Variants in EGFR observed in about 807,000 individuals in gnomAD.
EGFR encodes the protein epidermal growth factor receptor.
Under a neutral mutation model 143.0 loss-of-function variants are expected in EGFR, and 58 were observed. That is an observed-to-expected ratio of 0.41 (90% CI 0.33 to 0.50). The LOEUF (loss-of-function observed/expected upper bound fraction) is 0.50. Among genes scored for constraint, EGFR ranks in the 20% least tolerant of loss-of-function variants. The pLI is 0.39. For missense variants in EGFR, 1,307 were observed against 1,579.0 expected (o/e 0.83, Z 2.92); for synonymous variants, 613 against 594.4 (o/e 1.03, Z -0.45).
rs10241451 is a variant in EGFR, at chr7:55,181,233, T to C, written c.2284-60T>C. On this transcript the variant is annotated intron_variant, in intron 19 of 27. Transcript: ENST00000275493. ...TGCGTCTTCACCTGGAAGGGGTCCA[T>C]GTGCCCCTCCTTCTGGCCACCATGC... 321,931 of 1,590,172 alleles carry C rather than the reference T, an allele frequency of 0.2. 34,638 individuals carry two copies. Among genetic ancestry groups the C allele is most frequent in the Middle Eastern group, 0.27 (1,403 of 5,136 alleles).
At chr7:55,139,836 C>T (rs1359877930) in intron 1 of EGFR, among the ~76,000 whole-genome samples, 3 of 152,104 alleles carry the variant, frequency 2.0e-5, no homozygotes, top group Non-Finnish European at 4.4e-5. Context: ...TGTCCAGTTG[C>T]TTCCCAAAAT....
rs767608234 is a variant in EGFR at position 55,143,487 on chromosome 7, G to T, written c.423G>T (p.Gln141His). 3.7e-6 allele frequency: 6 copies of T among 1,614,218 alleles called. No homozygotes were observed. In the South Asian group the frequency reaches 5.5e-5, roughly 15 times the overall value. Residue 141 changes from glutamine (Q) to histidine (H), a missense_variant and splice_region_variant, in exon 3 of 28, where the codon CAG becomes CAT. Physicochemically the swap from Gln to His is conservative, Grantham distance 24. Around this residue, in one of 7 missense-constraint regions of EGFR, gnomAD observed 311 missense variants for 412.3 expected, o/e 0.75. Coordinates refer to ENST00000275493, the MANE Select transcript of EGFR (RefSeq NM_005228.5). ...AGGAGCTGCCCATGAGAAATTTACA[G>T]GGTGAGAGGCTGGGATGCCAAGGCT... is the stretch of plus-strand genomic sequence containing the variant. Reference protein sequence around the residue: ...GLKELPMRNLQEILHGAVRFS... With the variant: ...GLKELPMRNLHEILHGAVRFS...
At position 55,174,818 on chromosome 7, in the gene EGFR, G is replaced by C. The variant is rs121913418; in HGVS notation, c.2281G>C (p.Asp761His). 3 of 1,613,448 alleles carry C rather than the reference G, an allele frequency of 1.9e-6. No homozygotes were observed. Among genetic ancestry groups the C allele is most frequent in the Non-Finnish European group, 2.5e-6 (3 of 1,179,412 alleles). Residue 761 changes from aspartate (D) to histidine (H), a missense_variant and splice_region_variant, in exon 19 of 28, where the codon GAT becomes CAT. Transcript: ENST00000275493. ...TCCGAAAGCCAACAAGGAAATCCTCGATGTGAGTTTCTGCTTTGCTGTGTG... is the reference window on the plus strand; with the variant it reads ...TCCGAAAGCCAACAAGGAAATCCTCCATGTGAGTTTCTGCTTTGCTGTGTG... ...TSPKANKEIL[D>H]EAYVMASVDN...
At chr7:55,124,033 T>C (rs1584099452) in intron 1 of EGFR, among the ~76,000 whole-genome samples, 1 of 152,338 alleles carries the variant, frequency 6.6e-6, no homozygotes, top group African/African-American at 2.4e-5. Context: ...TTGGTGTATG[T>C]GTGTGTATTA....
At chr7:55,166,817 G>A (rs55633481) in intron 15 of EGFR, among the ~76,000 whole-genome samples, 4 of 113,690 alleles carry the variant, frequency 3.5e-5, no homozygotes, top group South Asian at 1.0e-3. Flanking sequence ...TGAGGAGGTG[G>A]GAGTCACAAT....
At chr7:55,164,115 T>C (rs1426009387) in intron 14 of EGFR, among the ~76,000 whole-genome samples, 2 of 152,262 alleles carry the variant, frequency 1.3e-5, no homozygotes, top group African/African-American at 4.8e-5. Context: ...CCCCCATCCC[T>C]GACCTAGTCA....
intron 1 of EGFR, among the ~76,000 whole-genome samples, chr7:55,074,925 T>C (rs1191425706): frequency 6.6e-6 from 1 of 152,226 alleles, no homozygotes; most frequent in East Asian, 1.9e-4. Flanking sequence ...AAATCTATTT[T>C]AGAAATCTTT....
rs146279807 is a variant in EGFR, at chr7:55,154,281, G to A, written c.889+129G>A. 1.7e-4 allele frequency: 240 copies of A among 1,427,664 alleles called. No individual in the cohort carries two copies. In the African/African-American group the frequency reaches 2.8e-3, roughly 17 times the overall value. 88.4% of individuals were successfully genotyped at this position (1,427,664 alleles called of 1,614,324 possible). A position where few individuals can be genotyped will look rare whatever the true frequency, so the allele number is the denominator to read the frequency against. On this transcript the variant is annotated intron_variant, in intron 7 of 27. Coordinates refer to ENST00000275493, the MANE Select transcript of EGFR (RefSeq NM_005228.5). ...TGTGTTTGCCTTGCTTGGAGGAGGC[G>A]ACCCTGTGCCCGTCCAGGCACACAG...
At chr7:55,023,193 C>A (rs1403568378) in intron 1 of EGFR, among the ~76,000 whole-genome samples, 1 of 152,074 alleles carries the variant, frequency 6.6e-6, no homozygotes, top group Non-Finnish European at 1.5e-5. Context: ...GTGTGTGTGC[C>A]TGTGTGTCTG....
Position 55,174,754 on chromosome 7 carries a change from A to T in EGFR, c.2217A>T (p.Lys739Asn), listed in dbSNP as rs780083331. 3.7e-6 allele frequency: 6 copies of T among 1,613,952 alleles called. No homozygotes were observed. In the African/African-American group the frequency reaches 6.7e-5, roughly 18 times the overall value. The change falls in exon 19 of 28, where the codon AAA (lysine) becomes AAT (asparagine). Residue 739 changes from lysine (K) to asparagine (N), a missense_variant. This residue lies in a region of EGFR where 348 missense variants were observed against 451.5 expected (regional missense o/e 0.77). Coordinates refer to ENST00000275493, the MANE Select transcript of EGFR (RefSeq NM_005228.5). Reference sequence around the variant, plus strand: ...GGATCCCAGAAGGTGAGAAAGTTAAAATTCCCGTCGCTATCAAGGAATTAA... The same window carrying T: ...GGATCCCAGAAGGTGAGAAAGTTAATATTCCCGTCGCTATCAAGGAATTAA... Reference protein sequence around the residue: ...GLWIPEGEKVKIPVAIKELRE... With the variant: ...GLWIPEGEKVNIPVAIKELRE...
chr7:55,037,196 G>A (rs1367646640), intron 1 of EGFR, among the ~76,000 whole-genome samples: 1 of 152,198 alleles, frequency 6.6e-6, no homozygotes, highest in African/African-American at 2.4e-5. Context: ...TTATCTGCAT[G>A]TTTCATCTTG....
At chr7:55,178,074 C>A (rs1211271628) in intron 19 of EGFR, among the ~76,000 whole-genome samples, 1 of 152,214 alleles carries the variant, frequency 6.6e-6, no homozygotes, top group Non-Finnish European at 1.5e-5. Flanking sequence ...CTCTGCTCCC[C>A]ATTCCCAGCC....
intron 21 of EGFR, 72 bp downstream of exon 21, chr7:55,191,946 A>G: frequency 6.3e-7 from 1 of 1,597,834 alleles, no homozygotes. Context: ...CACTAGCTGT[A>G]TTGTTTAACA....
In EGFR at chr7:55,205,742, A is replaced by G; in HGVS notation, c.*125A>G. 1 of 1,488,956 alleles carries G rather than the reference A, an allele frequency of 6.7e-7. No homozygotes were observed. The highest frequency in any genetic ancestry group is 9.3e-7 in the Non-Finnish European group (1 of 1,076,882). 92.2% of individuals were successfully genotyped at this position (1,488,956 alleles called of 1,614,324 possible). ...TCTTAGACCCACAGACTGGTTTTGCAACGTTTACACCGACTAGCCAGGAAG... is the reference window on the plus strand; with the variant it reads ...TCTTAGACCCACAGACTGGTTTTGCGACGTTTACACCGACTAGCCAGGAAG... On this transcript the variant is annotated 3_prime_UTR_variant, in exon 28 of 28. Transcript: ENST00000275493.
At chr7:55,028,776 C>G (rs1464850291) in intron 1 of EGFR, among the ~76,000 whole-genome samples, 1 of 152,038 alleles carries the variant, frequency 6.6e-6, no homozygotes, top group African/African-American at 2.4e-5. Context: ...GAAAGTTAAG[C>G]AATTATCTGT....
rs145189325 is a variant in EGFR, at chr7:55,205,411, C to G, written c.3427C>G (p.Gln1143Glu). 5 of 1,614,048 alleles carry G rather than the reference C, an allele frequency of 3.1e-6. No individual in the cohort carries two copies. The African/African-American group carries it at 6.7e-5, about 22-fold the overall frequency. Residue 1143 changes from glutamine (Q) to glutamate (E), a missense_variant, in exon 28 of 28, where the codon CAG (glutamine) becomes GAG (glutamate). Physicochemically the swap from Gln to Glu is conservative, Grantham distance 29 (BLOSUM62 2). This residue lies in a region of EGFR where 313 missense variants were observed against 312.3 expected (regional missense o/e 1.00). Coordinates refer to ENST00000275493, the MANE Select transcript of EGFR (RefSeq NM_005228.5). ...CAACCCCGAGTATCTCAACACTGTCCAGCCCACCTGTGTCAACAGCACATT... is the reference window on the plus strand; with the variant it reads ...CAACCCCGAGTATCTCAACACTGTCGAGCCCACCTGTGTCAACAGCACATT... ...VGNPEYLNTV[Q>E]PTCVNSTFDS...
intron 1 of EGFR, among the ~76,000 whole-genome samples, chr7:55,096,670 C>T (rs1181581892): frequency 6.6e-6 from 1 of 152,154 alleles, no homozygotes; most frequent in Admixed American, 6.5e-5. Flanking sequence ...GCCGCACGGC[C>T]ACTTTTATGA....
At chr7:55,168,326 A>G (rs371305418) in intron 15 of EGFR, among the ~76,000 whole-genome samples, 2 of 152,294 alleles carry the variant, frequency 1.3e-5, no homozygotes, top group East Asian at 1.9e-4. Context: ...CAATATCTCT[A>G]TATCAGTATC....
At chr7:55,170,631 C>A (rs1307235725) in intron 15 of EGFR, 7 of 1,601,772 alleles carry the variant, frequency 4.4e-6, no homozygotes, top group Admixed American at 3.3e-5. Flanking sequence ...GAGTATCCTA[C>A]CCATTTCCTT....
Sources: allele counts gnomAD v4.1 joint callset (sites outside exome capture counted in the v4.1 genomes callset), GRCh38; gene constraint gnomAD v4.1.1; regional missense constraint gnomAD v4.1.1; transcripts MANE v1.5; gene names NCBI Gene and HGNC (gene_info 2026-07-23, HGNC 2026-07-21).